NRG1: variants seen among roughly 807,000 people sequenced by gnomAD.
The protein encoded by NRG1 is neuregulin 1.
NRG1 carries 18 observed loss-of-function variants against 63.8 expected under a neutral mutation model. The observed-to-expected ratio is 0.28, with a 90% CI of 0.19 to 0.42. The LOEUF is 0.42. NRG1 is among the 10% of genes least tolerant of loss of function. The probability of loss-of-function intolerance (pLI) is 1.00; values close to 1 mark genes in which losing one functional copy is unlikely to be tolerated. For missense variants in NRG1, 762 were observed against 814.7 expected, an observed-to-expected ratio of 0.94 and a Z score of 0.79; for synonymous variants, 302 against 301.3, an observed-to-expected ratio of 1.00 and a Z score of -0.02.
At chr8:32,200,415 AT>A (rs556471156) in intron 1 of NRG1, among the ~76,000 whole-genome samples, 1 of 151,882 alleles carries the variant, frequency 6.6e-6, no homozygotes. Context: ...AACTTCCAGG[AT>A]TTTTTTAACC....
chr8:32,504,178 T>G (rs142568160), intron 1 of NRG1, among the ~76,000 whole-genome samples: 1 of 152,142 alleles, frequency 6.6e-6, no homozygotes, highest in Non-Finnish European at 1.5e-5. Flanking sequence ...TTCCTATCTG[T>G]TGGGAGCCTG....
intron 5 of NRG1, among the ~76,000 whole-genome samples, chr8:32,697,910 C>T (rs1026566334): frequency 6.6e-6 from 1 of 152,094 alleles, no homozygotes; most frequent in Non-Finnish European, 1.5e-5. Context: ...TGTTAGACAT[C>T]AATATGCTGA....
At chr8:32,704,082 T>G (rs533931584) in intron 5 of NRG1, among the ~76,000 whole-genome samples, 1 of 152,312 alleles carries the variant, frequency 6.6e-6, no homozygotes, top group African/African-American at 2.4e-5. Context: ...ATGAGTTAAT[T>G]TAACAAATTG....
intron 1 of NRG1, among the ~76,000 whole-genome samples, chr8:32,224,750 A>G (rs1441249304): frequency 6.6e-6 from 1 of 152,178 alleles, no homozygotes; most frequent in Admixed American, 6.5e-5. Context: ...TGGAAAGAAC[A>G]CTGCATAGGG....
chr8:32,646,664 A>T, intron 5 of NRG1: 2 of 984,198 alleles, frequency 2.0e-6, no homozygotes, highest in Non-Finnish European at 2.4e-6. Flanking sequence ...GGGGTGGAAG[A>T]AGACTGGGAC....
At chr8:32,628,024 A>G (rs1158255772) in intron 5 of NRG1, among the ~76,000 whole-genome samples, 3 of 152,250 alleles carry the variant, frequency 2.0e-5, no homozygotes, top group Non-Finnish European at 4.4e-5. Flanking sequence ...GAATCAGCCT[A>G]TAAAAATCCA....
At chr8:32,116,348 T>G (rs531970640) in intron 1 of NRG1, among the ~76,000 whole-genome samples, 33 of 152,268 alleles carry the variant, frequency 2.2e-4, no homozygotes, top group South Asian at 8.3e-4. Flanking sequence ...GGGATTCGTC[T>G]AAGCAGAGGA....
intron 1 of NRG1, among the ~76,000 whole-genome samples, chr8:31,939,906 C>G (rs1801500590): frequency 6.6e-6 from 1 of 152,012 alleles, no homozygotes; most frequent in African/African-American, 2.4e-5. Flanking sequence ...CTGGAGCACC[C>G]AAATTTATAA....
intron 5 of NRG1, among the ~76,000 whole-genome samples, chr8:32,627,059 T>C (rs1849438169): frequency 1.3e-5 from 2 of 151,698 alleles, no homozygotes; most frequent in Non-Finnish European, 2.9e-5. Context: ...AATATTATTA[T>C]TATTACTATT....
At chr8:32,159,927 A>G (rs1468204678) in intron 1 of NRG1, among the ~76,000 whole-genome samples, 1 of 152,180 alleles carries the variant, frequency 6.6e-6, no homozygotes, top group African/African-American at 2.4e-5. Context: ...ATTCTGAGTC[A>G]ATTTGGCACA....
chr8:32,492,247 T>G (rs1232989474), intron 1 of NRG1, among the ~76,000 whole-genome samples: 1 of 152,162 alleles, frequency 6.6e-6, no homozygotes, highest in Non-Finnish European at 1.5e-5. Flanking sequence ...GGAATTGAGT[T>G]ATATGGGAGT....
intron 5 of NRG1, among the ~76,000 whole-genome samples, chr8:32,709,919 G>A (rs999909609): frequency 6.6e-6 from 1 of 152,108 alleles, no homozygotes; most frequent in East Asian, 1.9e-4. Context: ...CAATTTTGCA[G>A]TTATTTGCCA....
chr8:32,518,694 A>C (rs1467790199), intron 1 of NRG1, among the ~76,000 whole-genome samples: 1 of 152,196 alleles, frequency 6.6e-6, no homozygotes, highest in East Asian at 1.9e-4. Context: ...TCACAGACAT[A>C]AGATTTCATG....
At chr8:32,153,849 C>A (rs891166225) in intron 1 of NRG1, among the ~76,000 whole-genome samples, 1 of 152,102 alleles carries the variant, frequency 6.6e-6, no homozygotes, top group African/African-American at 2.4e-5. Flanking sequence ...AACCAAAAAA[C>A]CATTGGTGGT....
intron 1 of NRG1, among the ~76,000 whole-genome samples, chr8:31,842,645 T>C (rs1440127883): frequency 1.7e-5 from 1 of 58,540 alleles, no homozygotes; most frequent in East Asian, 6.0e-4. Context: ...TCTAACTTTT[T>C]GTCTTCCTCA....
At chr8:32,065,273 T>C (rs185573540) in intron 1 of NRG1, among the ~76,000 whole-genome samples, 290 of 152,304 alleles carry the variant, frequency 1.9e-3, no homozygotes, top group African/African-American at 6.4e-3. Context: ...TACATATGTA[T>C]ACATGTGCCA....
At chr8:32,215,611 A>C (rs1845136830) in intron 1 of NRG1, among the ~76,000 whole-genome samples, 1 of 152,246 alleles carries the variant, frequency 6.6e-6, no homozygotes. Context: ...TAAGGGACAG[A>C]GTCTGAATCT....
intron 1 of NRG1, among the ~76,000 whole-genome samples, chr8:31,842,857 G>A (rs1826319332): frequency 1.3e-5 from 2 of 152,040 alleles, no homozygotes; most frequent in South Asian, 4.2e-4. Flanking sequence ...GCATTGTCAG[G>A]GCAAGTTTTA....
intron 1 of NRG1, among the ~76,000 whole-genome samples, chr8:31,953,659 T>C (rs903842125): frequency 1.3e-5 from 2 of 152,162 alleles, no homozygotes; most frequent in Non-Finnish European, 2.9e-5. Context: ...AATATATAAA[T>C]AGACTTTTGG....
Sources: gnomAD v4.1 joint callset for allele counts (sites outside exome capture counted in the v4.1 genomes callset) on GRCh38, gnomAD v4.1.1 for gene constraint, MANE v1.5 for transcripts, NCBI Gene and HGNC (gene_info 2026-07-23, HGNC 2026-07-21) for gene names.